The following DIAPH2 variants were observed in gnomAD, a reference collection of about 807,000 sequenced individuals.
The protein encoded by DIAPH2 is diaphanous related formin 2.
Under a neutral mutation model 92.7 loss-of-function variants are expected in DIAPH2, and 35 were observed. That is an observed-to-expected ratio of 0.38 (90% CI 0.29 to 0.50). The LOEUF is 0.50. Ranked by LOEUF, DIAPH2 falls within the 20% of genes least tolerant of loss-of-function variation. The pLI is 0.94. For missense variants in DIAPH2, 701 were observed against 819.5 expected (o/e 0.86, Z 1.77); for synonymous variants, 301 against 280.4 (o/e 1.07, Z -0.73).
chrX:96,871,331 G>A (rs889348391), intron 4 of DIAPH2, among the ~76,000 whole-genome samples: 4 of 109,414 alleles, frequency 3.7e-5, no homozygotes, highest in Non-Finnish European at 5.7e-5. Context: ...TTAGCCAGGC[G>A]TGGTGGCGGG....
intron 23 of DIAPH2, among the ~76,000 whole-genome samples, chrX:97,319,309 G>A (rs1332064172): frequency 3.6e-5 from 4 of 111,823 alleles, no homozygotes; most frequent in Non-Finnish European, 7.5e-5. Flanking sequence ...TTTGGAAAAA[G>A]ATCTTTTTTC....
chrX:97,331,269 T>C lies in DIAPH2; in HGVS notation c.2845-16847T>C, dbSNP rs1402885541. On this transcript the variant is annotated intron_variant, in intron 23 of 26. Coordinates refer to ENST00000324765, the MANE Select transcript of DIAPH2 (RefSeq NM_006729.5). ...GTTCTTTGGAAGTAATGCCACTGTA[T>C]TCAAATAGCTTCTTCCACATAAAGC... Among the ~76,000 whole-genome samples, 9 of 111,990 alleles carry C rather than the reference T, an allele frequency of 8.0e-5. No individual in the cohort carries two copies. The East Asian group carries it at 2.5e-3, about 31-fold the overall frequency.
intron 4 of DIAPH2, among the ~76,000 whole-genome samples, chrX:96,871,107 C>T (rs777693893): frequency 8.9e-6 from 1 of 112,017 alleles, no homozygotes; most frequent in Admixed American, 9.5e-5. Context: ...TCCTATTGCA[C>T]ATTATCATTG....
intron 17 of DIAPH2, among the ~76,000 whole-genome samples, chrX:97,025,620 C>G (rs1234862225): frequency 9.0e-6 from 1 of 111,116 alleles, no homozygotes; most frequent in Non-Finnish European, 1.9e-5. Flanking sequence ...CCACTGCACT[C>G]CAGCCTGGGC....
chrX:96,991,772 A>G lies in DIAPH2; in HGVS notation c.2050+26565A>G, dbSNP rs72614316. 1.6e-4 allele frequency among the ~76,000 whole-genome samples: 18 copies of G among 110,466 alleles called. No homozygotes were observed. The East Asian group carries it at 3.1e-3, about 19-fold the overall frequency. ...AAAAGCCCCATTTCCATAATGGATG[A>G]CTGGAAAAACCAGGTTGCTGTATAT... On this transcript the variant is annotated intron_variant, in intron 17 of 26. Transcript: ENST00000324765.
chrX:97,128,910 A>G (rs893077085), intron 21 of DIAPH2, among the ~76,000 whole-genome samples: 3 of 111,111 alleles, frequency 2.7e-5, no homozygotes, highest in African/African-American at 9.9e-5. Flanking sequence ...TCATCTGTTC[A>G]TCAGCTGATG....
At chrX:97,200,852 C>T (rs895956991) in intron 22 of DIAPH2, among the ~76,000 whole-genome samples, 1 of 111,767 alleles carries the variant, frequency 8.9e-6, no homozygotes, top group African/African-American at 3.2e-5. Context: ...CAGGTGGGTC[C>T]ATGACCCCCA....
At chrX:97,371,998 C>A (rs2069452135) in intron 24 of DIAPH2, among the ~76,000 whole-genome samples, 1 of 112,484 alleles carries the variant, frequency 8.9e-6, no homozygotes, top group African/African-American at 3.2e-5. Context: ...AGTTGTTTAT[C>A]CCTTCCAGAT....
chrX:97,418,909 C>A (rs750660460), intron 25 of DIAPH2, among the ~76,000 whole-genome samples: 2 of 111,730 alleles, frequency 1.8e-5, no homozygotes, highest in Admixed American at 1.9e-4. Flanking sequence ...TTGTGTCATT[C>A]TTGGCTTTGG....
intron 26 of DIAPH2, chrX:97,469,815 A>G: frequency 1.7e-6 from 2 of 1,169,991 alleles, no homozygotes; most frequent in Admixed American, 2.5e-5. Context: ...TCAAGTAGTA[A>G]AAGTTTCTAG....
intron 17 of DIAPH2, among the ~76,000 whole-genome samples, chrX:97,035,271 G>A (rs953292821): frequency 8.1e-5 from 9 of 111,741 alleles, no homozygotes; most frequent in Middle Eastern, 4.6e-3. Context: ...TCTATGGGAC[G>A]CCTTCATTAT....
intron 26 of DIAPH2, among the ~76,000 whole-genome samples, chrX:97,439,116 A>G (rs1341002285): frequency 1.8e-5 from 2 of 111,429 alleles, no homozygotes; most frequent in African/African-American, 6.5e-5. Context: ...AGAAGAGGGT[A>G]GGATGGAAAA....
At chrX:97,430,357 A>C (rs967368910) in intron 26 of DIAPH2, among the ~76,000 whole-genome samples, 6 of 112,702 alleles carry the variant, frequency 5.3e-5, no homozygotes, top group Non-Finnish European at 1.1e-4. Flanking sequence ...ACCCAAGTGA[A>C]CTGGAAAGTT....
At chrX:96,932,533 CTG>C (rs1255493248) in intron 10 of DIAPH2, among the ~76,000 whole-genome samples, 3 of 111,043 alleles carry the variant, frequency 2.7e-5, no homozygotes, top group Non-Finnish European at 5.7e-5. Context: ...GATTATGTGT[CTG>C]TGTTTCTAAG....
chrX:96,686,608 T>G (rs772463371), intron 1 of DIAPH2, among the ~76,000 whole-genome samples: 40 of 111,808 alleles, frequency 3.6e-4, no homozygotes, highest in African/African-American at 1.0e-3. Context: ...CTTGATACGG[T>G]AGAACAAGAT....
At chrX:96,890,741 A>T (rs759878504) in intron 5 of DIAPH2, among the ~76,000 whole-genome samples, 9 of 112,370 alleles carry the variant, frequency 8.0e-5, no homozygotes, top group Admixed American at 2.8e-4. Context: ...TTTCAAATTC[A>T]CATGGTATTT....
intron 5 of DIAPH2, chrX:96,884,824 C>T (rs938173282): frequency 1.7e-6 from 2 of 1,208,824 alleles, no homozygotes; most frequent in East Asian, 3.0e-5. Context: ...GGATAAAGCC[C>T]GTCGTGATAC....
chrX:97,431,215 A>G (rs1402430765), intron 26 of DIAPH2: 1 of 112,287 alleles, frequency 8.9e-6, no homozygotes, highest in Non-Finnish European at 1.9e-5. Flanking sequence ...TCTTAAGGAA[A>G]ATAAAAACCT....
At chrX:97,386,465 C>T (rs958770914) in intron 25 of DIAPH2, among the ~76,000 whole-genome samples, 1 of 111,294 alleles carries the variant, frequency 9.0e-6, no homozygotes, top group Non-Finnish European at 1.9e-5. Flanking sequence ...GTCAAGAGTT[C>T]GAGACCAACC....
Sources: gnomAD v4.1 joint callset for allele counts (sites outside exome capture counted in the v4.1 genomes callset) on GRCh38, gnomAD v4.1.1 for gene constraint, MANE v1.5 for transcripts, NCBI Gene and HGNC (gene_info 2026-07-23, HGNC 2026-07-21) for gene names.